Variants in ANGPT1 observed in about 807,000 individuals in gnomAD.
ANGPT1 encodes the protein angiopoietin 1.
ANGPT1 carries 17 observed loss-of-function variants against 62.2 expected under a neutral mutation model. The ratio of observed to expected loss-of-function variants is 0.27; its 90% CI spans 0.19 to 0.41. The LOEUF (loss-of-function observed/expected upper bound fraction) is 0.41. ANGPT1 is among the 10% of genes least tolerant of loss of function. The probability of loss-of-function intolerance (pLI) is 1.00; values close to 1 mark genes in which losing one functional copy is unlikely to be tolerated. For synonymous variants in ANGPT1, 199 were observed against 198.9 expected, an observed-to-expected ratio of 1.00 and a Z score of 0.00; for missense variants, 478 against 594.9, an observed-to-expected ratio of 0.80 and a Z score of 2.04.
intron 4 of ANGPT1, among the ~76,000 whole-genome samples, chr8:107,315,503 A>G (rs1464439110): frequency 1.3e-5 from 2 of 152,100 alleles, no homozygotes; most frequent in African/African-American, 4.8e-5. Context: ...TGCATACAGA[A>G]GGTTCTTTTT....
intron 4 of ANGPT1, among the ~76,000 whole-genome samples, chr8:107,304,123 G>A (rs1814659308): frequency 6.6e-6 from 1 of 151,722 alleles, no homozygotes; most frequent in African/African-American, 2.4e-5. Flanking sequence ...AAATTATACA[G>A]GTGAAAGAGT....
intron 1 of ANGPT1, among the ~76,000 whole-genome samples, chr8:107,398,274 T>TAA (rs964335514): frequency 1.1e-4 from 17 of 152,302 alleles, no homozygotes; most frequent in African/African-American, 4.1e-4. Flanking sequence ...TAGTGGGTGA[T>TAA]AGGTACATTT....
intron 1 of ANGPT1, among the ~76,000 whole-genome samples, chr8:107,389,965 GC>G (rs1563600813): frequency 8.8e-6 from 1 of 114,190 alleles, no homozygotes; most frequent in Non-Finnish European, 1.7e-5. Context: ...GCTGCAGTAA[GC>G]TCTTTGAGAG....
chr8:107,285,423 T>C (rs887349973), intron 6 of ANGPT1, among the ~76,000 whole-genome samples: 3 of 152,116 alleles, frequency 2.0e-5, no homozygotes, highest in Admixed American at 2.0e-4. Flanking sequence ...ACCATGACTT[T>C]TGGAGCTTTA....
chr8:107,398,500 A>ATTTTTTTTTTTTTTTTTTT (rs10556477), intron 1 of ANGPT1, among the ~76,000 whole-genome samples: 1 of 132,766 alleles, frequency 7.5e-6, no homozygotes, highest in South Asian at 2.4e-4. Context: ...TTTCTTTTCT[A>ATTTTTTTTTTTTTTTTTTT]TTTTTTTTTT....
chr8:107,458,471 A>G (rs551579564), intron 1 of ANGPT1, among the ~76,000 whole-genome samples: 2 of 152,192 alleles, frequency 1.3e-5, no homozygotes, highest in African/African-American at 4.8e-5. Flanking sequence ...GAAGTATACT[A>G]AAGTATAAAA....
chr8:107,480,580 T>C (rs1366535243), intron 1 of ANGPT1, among the ~76,000 whole-genome samples: 1 of 152,202 alleles, frequency 6.6e-6, no homozygotes, highest in African/African-American at 2.4e-5. Flanking sequence ...TTTTCTTTGT[T>C]TATGCCCTAA....
intron 7 of ANGPT1, among the ~76,000 whole-genome samples, chr8:107,281,541 G>A (rs1304219169): frequency 6.6e-6 from 1 of 152,116 alleles, no homozygotes; most frequent in Non-Finnish European, 1.5e-5. Flanking sequence ...CACTTTGGGA[G>A]GCTGAGGCGT....
At chr8:107,397,322 T>C (rs1816955626) in intron 1 of ANGPT1, among the ~76,000 whole-genome samples, 1 of 152,080 alleles carries the variant, frequency 6.6e-6, no homozygotes. Context: ...AATATGAAAA[T>C]GGTAAGAACT....
At chr8:107,457,029 CTTG>C (rs1811938216) in intron 1 of ANGPT1, among the ~76,000 whole-genome samples, 2 of 152,024 alleles carry the variant, frequency 1.3e-5, no homozygotes, top group African/African-American at 4.8e-5. Context: ...AAAATTGTAA[CTTG>C]TAACACAGTA....
At chr8:107,372,473 A>T (rs1413700792) in intron 1 of ANGPT1, among the ~76,000 whole-genome samples, 1 of 152,172 alleles carries the variant, frequency 6.6e-6, no homozygotes, top group East Asian at 1.9e-4. Flanking sequence ...TCTAATTCTT[A>T]TCCTGTATTC....
chr8:107,385,067 T>C (rs1198763681), intron 1 of ANGPT1, among the ~76,000 whole-genome samples: 2 of 152,116 alleles, frequency 1.3e-5, no homozygotes, highest in Non-Finnish European at 2.9e-5. Flanking sequence ...CCAGCTTTGT[T>C]ATTTTGCTTA....
intron 4 of ANGPT1, 110 bp from the exon 5 acceptor site, chr8:107,303,477 A>G (rs528188979): frequency 1.8e-5 from 16 of 871,626 alleles, no homozygotes; most frequent in East Asian, 1.8e-4. Flanking sequence ...ACAAATGTCA[A>G]TATCGCACAT....
At chr8:107,432,162 C>G (rs763959321) in intron 1 of ANGPT1, among the ~76,000 whole-genome samples, 2 of 150,964 alleles carry the variant, frequency 1.3e-5, no homozygotes, top group African/African-American at 2.4e-5. Context: ...AAAACTGAAC[C>G]GTAAAATCTT....
At chr8:107,311,139 A>T (rs559106421) in intron 4 of ANGPT1, among the ~76,000 whole-genome samples, 2 of 151,952 alleles carry the variant, frequency 1.3e-5, no homozygotes, top group South Asian at 2.1e-4. Flanking sequence ...GCATGGAGAC[A>T]AGGAATTGGA....
chr8:107,325,492 T>C (rs114089037), intron 3 of ANGPT1, among the ~76,000 whole-genome samples: 2,820 of 152,322 alleles, frequency 0.019, 109 homozygotes, highest in African/African-American at 0.064. Context: ...CATATAATAC[T>C]GGATAAAAAT....
rs558182901 is a variant in ANGPT1, at chr8:107,320,338, A to T, written c.808+1558T>A. Among the ~76,000 whole-genome samples the T allele has an allele frequency of 5.3e-5, 8 of 152,320 alleles. No individual in the cohort carries two copies. The South Asian group carries it at 1.7e-3, about 32-fold the overall frequency. ...GTTAAATTATGATAAGTACGCAGAC[A>T]TATGAGCTCTGTGAGAATCACTAGG... is the stretch of plus-strand genomic sequence containing the variant. On this transcript the variant is annotated intron_variant, in intron 4 of 8. Transcript: ENST00000517746.
chr8:107,255,794 C>T (rs1177968478), intron 8 of ANGPT1, among the ~76,000 whole-genome samples: 1 of 151,902 alleles, frequency 6.6e-6, no homozygotes, highest in Non-Finnish European at 1.5e-5. Context: ...CTGTAAAATC[C>T]TACTAAAGTG....
chr8:107,474,420 T>C (rs1329457294), intron 1 of ANGPT1, among the ~76,000 whole-genome samples: 3 of 152,206 alleles, frequency 2.0e-5, no homozygotes, highest in Non-Finnish European at 2.9e-5. Context: ...AATTAGGTAT[T>C]GATGGGACAT....
Sources: allele counts gnomAD v4.1 joint callset (sites outside exome capture counted in the v4.1 genomes callset), GRCh38; gene constraint gnomAD v4.1.1; transcripts MANE v1.5; gene names NCBI Gene and HGNC (gene_info 2026-07-23, HGNC 2026-07-21).